SLC22A23: variants seen among roughly 807,000 people sequenced by gnomAD.
SLC22A23 encodes solute carrier family 22 member 23.
SLC22A23 carries 26 observed loss-of-function variants against 61.0 expected under a neutral mutation model. That is an observed-to-expected ratio of 0.43 (90% CI 0.31 to 0.59). SLC22A23 has a LOEUF of 0.59. Among genes scored for constraint, SLC22A23 ranks in the 20% least tolerant of loss-of-function variants. The pLI is 0.11. For synonymous variants in SLC22A23, 430 were observed against 413.9 expected, an observed-to-expected ratio of 1.04 and a Z score of -0.47; for missense variants, 796 against 934.7, an observed-to-expected ratio of 0.85 and a Z score of 1.94.
intron 1 of SLC22A23, among the ~76,000 whole-genome samples, chr6:3,435,064 T>C (rs1771118730): frequency 6.6e-6 from 1 of 152,118 alleles, no homozygotes; most frequent in Non-Finnish European, 1.5e-5. Flanking sequence ...TGGAAGCGGC[T>C]GCTGGGAGTG....
chr6:3,316,428 T>C (rs1208804326), intron 4 of SLC22A23, among the ~76,000 whole-genome samples: 1 of 152,248 alleles, frequency 6.6e-6, no homozygotes, highest in Non-Finnish European at 1.5e-5. Flanking sequence ...TCACAGTCCA[T>C]GTGTCTGCCA....
intron 1 of SLC22A23, among the ~76,000 whole-genome samples, chr6:3,426,688 T>C (rs1462078192): frequency 1.3e-5 from 2 of 152,152 alleles, no homozygotes; most frequent in African/African-American, 2.4e-5. Context: ...TCTTGCTTTA[T>C]TTAGCTCAAA....
In SLC22A23 at chr6:3,337,307, G is replaced by C. The variant is rs534830971; in HGVS notation, c.914-13305C>G. ...TCAGTGACTATGTGTGCCTAAGGCG[G>C]AGGTGCCATTTACAGAGCTGCCAGT... On this transcript the variant is annotated intron_variant, in intron 3 of 9. Transcript: ENST00000406686. 1.1e-4 allele frequency among the ~76,000 whole-genome samples: 16 copies of C among 152,340 alleles called. No individual in the cohort carries two copies. The East Asian group carries it at 3.1e-3, about 29-fold the overall frequency.
chr6:3,336,045 C>A (rs1003408140), intron 3 of SLC22A23, among the ~76,000 whole-genome samples: 5 of 151,434 alleles, frequency 3.3e-5, no homozygotes, highest in African/African-American at 1.2e-4. Context: ...GCCGAGATGG[C>A]GCCACTGCTC....
In SLC22A23 at chr6:3,297,314, A is replaced by G. The variant is rs1581639814; in HGVS notation, c.1210+777T>C. Among the ~76,000 whole-genome samples the G allele has an allele frequency of 6.6e-6, 1 of 152,196 alleles. No homozygotes were observed. The highest frequency in any genetic ancestry group is 2.1e-4 in the South Asian group (1 of 4,824). ...GGAGGTTATTTTCCCAGGGAATTTT[A>G]TAGCAACAATTTATCCCAGGTCTTC... On this transcript the variant is annotated intron_variant, in intron 5 of 9. Coordinates refer to ENST00000406686, the MANE Select transcript of SLC22A23 (RefSeq NM_015482.2). This position sits in a 1 kb window ranked among gnomAD's most constrained non-coding sequence, Gnocchi z 4.3.
At chr6:3,403,721 A>T (rs1768597982) in intron 3 of SLC22A23, among the ~76,000 whole-genome samples, 1 of 152,212 alleles carries the variant, frequency 6.6e-6, no homozygotes, top group African/African-American at 2.4e-5. Flanking sequence ...TTCAACACTG[A>T]AGGAGGCTAA....
intron 3 of SLC22A23, among the ~76,000 whole-genome samples, chr6:3,346,492 T>C (rs557079153): frequency 2.9e-4 from 44 of 152,292 alleles, no homozygotes; most frequent in Non-Finnish European, 6.0e-4. Flanking sequence ...GTGCACCCCA[T>C]TGCCGCTACT....
chr6:3,298,529 A>G (rs1259702028), intron 4 of SLC22A23, among the ~76,000 whole-genome samples: 1 of 152,012 alleles, frequency 6.6e-6, no homozygotes, highest in Admixed American at 6.6e-5. Flanking sequence ...GAGGCTGGGA[A>G]GGGTGGGGGG....
At position 3,285,069 on chromosome 6, in the gene SLC22A23, TG is replaced by T; in HGVS notation, c.1579+9del. ...GACGAGGAAGCACAGCCCACGCGCT[TG>T]GGACTCACCTGAGTCTGGGTGCTGG... is the stretch of plus-strand genomic sequence containing the variant. On this transcript the variant is annotated intron_variant, in intron 8 of 9. Transcript: ENST00000406686. 1.9e-6 allele frequency: 3 copies of T among 1,612,976 alleles called. No homozygotes were observed. Among genetic ancestry groups the T allele is most frequent in the South Asian group, 1.1e-5 (1 of 90,812 alleles).
At chr6:3,313,990 T>C (rs748517477) in intron 4 of SLC22A23, among the ~76,000 whole-genome samples, 2 of 152,168 alleles carry the variant, frequency 1.3e-5, no homozygotes, top group African/African-American at 4.8e-5. Context: ...GATTGTGCCA[T>C]TGCACTCCAG....
rs1311621033 is a variant in SLC22A23, at chr6:3,333,774, C to A, written c.914-9772G>T. ...GCAGCAGCCTCACCTGGGGCCACCA[C>A]CTCAGAAACACAGAGTCGGGGCCCT... is the stretch of plus-strand genomic sequence containing the variant. On this transcript the variant is annotated intron_variant, in intron 3 of 9. Transcript: ENST00000406686. This position sits in a 1 kb window ranked among gnomAD's most constrained non-coding sequence, Gnocchi z 4.1. Among the ~76,000 whole-genome samples, 2 of 152,198 alleles carry A rather than the reference C, an allele frequency of 1.3e-5. No individual in the cohort carries two copies. The highest frequency in any genetic ancestry group is 2.4e-5 in the African/African-American group (1 of 41,456).
rs748867257 is a variant in SLC22A23, at chr6:3,273,172, C to T, written c.1944G>A (p.Glu648=). Residue 648 remains glutamate, a synonymous_variant, in exon 10 of 10, where the codon GAG becomes GAA. Transcript: ENST00000406686. ...RQPLLPHKKG[E]QPLLLTNAEL... is the part of the protein sequence containing the mutation. ...CGGCGTTGGTGAGCAGCAGTGGCTG[C>T]TCCCCCTTCTTGTGCGGCAGCAGCG... 5.6e-6 allele frequency: 9 copies of T among 1,612,000 alleles called. No homozygotes were observed. Among genetic ancestry groups the T allele is most frequent in the African/African-American group, 2.7e-5 (2 of 74,946 alleles).
intron 4 of SLC22A23, 80 bp downstream of exon 4, chr6:3,323,754 T>C (rs2127399601): frequency 6.8e-7 from 1 of 1,463,482 alleles, no homozygotes; most frequent in South Asian, 1.3e-5. Flanking sequence ...GTGTGGGGAT[T>C]GTGTGTCCTG....
chr6:3,399,568 C>T (rs1204219591), intron 3 of SLC22A23, among the ~76,000 whole-genome samples: 3 of 152,022 alleles, frequency 2.0e-5, no homozygotes, highest in Non-Finnish European at 4.4e-5. Context: ...AGCTGTGTTA[C>T]GGATAATGAG....
At chr6:3,439,104 TTGGGGCCGGATC>T (rs1478479632) in intron 1 of SLC22A23, among the ~76,000 whole-genome samples, 2 of 150,572 alleles carry the variant, frequency 1.3e-5, no homozygotes, top group East Asian at 1.9e-4. Flanking sequence ...CTTGCCGTAT[TTGGGGCCGGATC>T]TGGGGCCGGA....
At chr6:3,373,485 C>T (rs914438829) in intron 3 of SLC22A23, among the ~76,000 whole-genome samples, 4 of 152,160 alleles carry the variant, frequency 2.6e-5, no homozygotes, top group Non-Finnish European at 5.9e-5. Flanking sequence ...ACCCCTGACA[C>T]AGCCATCCTC....
intron 1 of SLC22A23, among the ~76,000 whole-genome samples, chr6:3,449,037 A>C (rs897081066): frequency 2.0e-5 from 3 of 152,226 alleles, no homozygotes; most frequent in Admixed American, 1.3e-4. Flanking sequence ...CTAGCCTCTA[A>C]TCCTTACATT....
chr6:3,304,953 A>T lies in SLC22A23; in HGVS notation c.1083-6735T>A, dbSNP rs1761868896. On this transcript the variant is annotated intron_variant, in intron 4 of 9. Transcript: ENST00000406686. This position sits in a 1 kb window ranked among gnomAD's most constrained non-coding sequence, Gnocchi z 4.3. Reference sequence around the variant, plus strand: ...AGTGTTATGGGCTCTGATGAGCAGCAGCCACGGGACTGGAGTGAACTGAAG... The same window carrying T: ...AGTGTTATGGGCTCTGATGAGCAGCTGCCACGGGACTGGAGTGAACTGAAG... 6.6e-6 allele frequency among the ~76,000 whole-genome samples: 1 copy of T among 152,120 alleles called. No homozygotes were observed. The highest frequency in any genetic ancestry group is 1.5e-5 in the Non-Finnish European group (1 of 68,012).
In SLC22A23 at chr6:3,286,439, A is replaced by T. The variant is rs1760015526; in HGVS notation, c.1546+420T>A. Among the ~76,000 whole-genome samples the T allele has an allele frequency of 6.6e-6, 1 of 152,216 alleles. No homozygotes were observed. Among genetic ancestry groups the T allele is most frequent in the South Asian group, 2.1e-4 (1 of 4,830 alleles). On this transcript the variant is annotated intron_variant, in intron 7 of 9. Coordinates refer to ENST00000406686, the MANE Select transcript of SLC22A23 (RefSeq NM_015482.2). This position sits in a 1 kb window ranked among gnomAD's most constrained non-coding sequence, Gnocchi z 4.2. ...CTTTACTGAGAAATTCTTTGGTCCAAAGAGAAGCTGATGAACTCGGGAACA... is the reference window on the plus strand; with the variant it reads ...CTTTACTGAGAAATTCTTTGGTCCATAGAGAAGCTGATGAACTCGGGAACA...
Sources: allele counts gnomAD v4.1 joint callset (sites outside exome capture counted in the v4.1 genomes callset), GRCh38; gene constraint gnomAD v4.1.1; non-coding constraint Gnocchi (gnomAD v3.1); transcripts MANE v1.5; gene names NCBI Gene and HGNC (gene_info 2026-07-23, HGNC 2026-07-21).